The following OSBP2 variants were observed in gnomAD, a reference collection of about 807,000 sequenced individuals.
OSBP2 encodes the protein oxysterol-binding protein 2.
A neutral mutation model predicts 96.0 loss-of-function variants in OSBP2; 66 were observed. That is an observed-to-expected ratio of 0.69 (90% CI 0.56 to 0.84). The LOEUF (loss-of-function observed/expected upper bound fraction) is 0.84. Ranked by LOEUF, OSBP2 falls within the 40% of genes least tolerant of loss-of-function variation. The pLI is 0.00. For synonymous variants in OSBP2, 525 were observed against 520.9 expected (o/e 1.01, Z -0.11); for missense variants, 1,038 against 1,222.7 (o/e 0.85, Z 2.25).
chr22:30,851,413 A>G (rs1260412979), intron 2 of OSBP2, among the ~76,000 whole-genome samples: 3 of 152,192 alleles, frequency 2.0e-5, no homozygotes, highest in Admixed American at 2.0e-4. Flanking sequence ...TATTTCAGAA[A>G]AATGATTGTT....
chr22:30,787,138 C>T (rs1044795463), intron 2 of OSBP2, among the ~76,000 whole-genome samples: 23 of 152,070 alleles, frequency 1.5e-4, no homozygotes, highest in African/African-American at 5.6e-4. Flanking sequence ...CTGTGTTAGT[C>T]CGTTCTCACA....
chr22:30,886,119 G>C (rs547058421), intron 3 of OSBP2, among the ~76,000 whole-genome samples: 1 of 152,368 alleles, frequency 6.6e-6, no homozygotes, highest in African/African-American at 2.4e-5. Context: ...ATAGCTCTTG[G>C]GAGGTCCTGA....
At chr22:30,757,571 C>G (rs1002102981) in intron 2 of OSBP2, among the ~76,000 whole-genome samples, 1 of 152,052 alleles carries the variant, frequency 6.6e-6, no homozygotes, top group African/African-American at 2.4e-5. Context: ...GTGGGTGCCA[C>G]CATACCTGGC....
At chr22:30,894,773 G>A (rs967477420) in intron 12 of OSBP2, among the ~76,000 whole-genome samples, 2 of 152,306 alleles carry the variant, frequency 1.3e-5, no homozygotes, top group East Asian at 3.9e-4. Context: ...CACTTTCCGA[G>A]GAGCTGTCCC....
chr22:30,876,747 A>G lies in OSBP2; in HGVS notation c.1107+6065A>G, dbSNP rs141799332. Among the ~76,000 whole-genome samples, 22 of 152,260 alleles carry G rather than the reference A, an allele frequency of 1.4e-4. No individual in the cohort carries two copies. The East Asian group carries it at 3.1e-3, about 21-fold the overall frequency. On this transcript the variant is annotated intron_variant, in intron 3 of 13. Transcript: ENST00000332585. Reference sequence around the variant, plus strand: ...CCATGCATTGCGTGGCATGCCAGACATTCTGCATGCACCTCCCCTGCCCCT... The same window carrying G: ...CCATGCATTGCGTGGCATGCCAGACGTTCTGCATGCACCTCCCCTGCCCCT...
chr22:30,709,116 AAAAT>A (rs902850383), intron 1 of OSBP2, among the ~76,000 whole-genome samples: 3 of 152,002 alleles, frequency 2.0e-5, no homozygotes, highest in Admixed American at 6.6e-5. Flanking sequence ...TAATAATAAT[AAAAT>A]AAATAAATAA....
At chr22:30,704,529 T>C (rs1436434136) in intron 1 of OSBP2, among the ~76,000 whole-genome samples, 1 of 151,982 alleles carries the variant, frequency 6.6e-6, no homozygotes, top group East Asian at 1.9e-4. Context: ...TTTTTTTTTT[T>C]TTTTTGAGAC....
intron 2 of OSBP2, chr22:30,822,572 C>T: frequency 2.0e-6 from 3 of 1,505,524 alleles, no homozygotes; most frequent in Non-Finnish European, 1.8e-6. Flanking sequence ...TCCGTGCAAG[C>T]CCCCGGGACC....
At chr22:30,739,899 G>A (rs936060737) in intron 1 of OSBP2, among the ~76,000 whole-genome samples, 1 of 152,050 alleles carries the variant, frequency 6.6e-6, no homozygotes, top group Non-Finnish European at 1.5e-5. Flanking sequence ...GAGTGCAGTG[G>A]CGCGATCTTG....
intron 2 of OSBP2, among the ~76,000 whole-genome samples, chr22:30,743,682 TATAAATAA>T (rs1176320460): frequency 6.6e-6 from 1 of 152,124 alleles, no homozygotes; most frequent in Admixed American, 6.6e-5. Flanking sequence ...CTTTTCTAAG[TATAAATAA>T]ATAAATAAAT....
chr22:30,762,797 ATGTTTGCTCCCAGG>A (rs1308108069), intron 2 of OSBP2, among the ~76,000 whole-genome samples: 1 of 152,160 alleles, frequency 6.6e-6, no homozygotes, highest in African/African-American at 2.4e-5. Context: ...CCTGGGCCAG[ATGTTTGCTCCCAGG>A]TGTTTGCTCC....
chr22:30,889,070 G>A lies in OSBP2; in HGVS notation c.1419-107G>A, dbSNP rs1481998882. The A allele has an allele frequency of 5.3e-6, 5 of 939,950 alleles. 1 individual carries two copies. The highest frequency in any genetic ancestry group is 4.8e-5 in the South Asian group (3 of 62,406). The allele number at this position is 939,950 out of a possible 1,614,324, so 58.2% of individuals were successfully genotyped here. On this transcript the variant is annotated intron_variant, in intron 5 of 13. Coordinates refer to ENST00000332585, the MANE Select transcript of OSBP2 (RefSeq NM_030758.4). ...CACACAGAACACACGGCAGTGACCAGGACATTTACTAGCAATGAAAATGAT... is the reference window on the plus strand; with the variant it reads ...CACACAGAACACACGGCAGTGACCAAGACATTTACTAGCAATGAAAATGAT...
In OSBP2 at chr22:30,871,266, G is replaced by T. The variant is rs879852765; in HGVS notation, c.1107+584G>T. Among the ~76,000 whole-genome samples the T allele has an allele frequency of 1.2e-4, 19 of 152,130 alleles. No homozygotes were observed. Among genetic ancestry groups the T allele is most frequent in the Non-Finnish European group, 2.6e-4 (18 of 68,020 alleles). ...AGCAGCCCCGCCACAGGAGTCAGCC[G>T]CTCACCCTGGCTCTGGAAGCCACAC... On this transcript the variant is annotated intron_variant, in intron 3 of 13. Coordinates refer to ENST00000332585, the MANE Select transcript of OSBP2 (RefSeq NM_030758.4). This position sits in a 1 kb window ranked among gnomAD's most constrained non-coding sequence, Gnocchi z 4.7.
chr22:30,845,078 GC>G (rs936684286), intron 2 of OSBP2, among the ~76,000 whole-genome samples: 2 of 152,200 alleles, frequency 1.3e-5, no homozygotes, highest in Non-Finnish European at 2.9e-5. Flanking sequence ...TTGCACTCCA[GC>G]AATTACAGCT....
intron 2 of OSBP2, chr22:30,822,814 T>C: frequency 1.0e-6 from 1 of 979,054 alleles, no homozygotes. Flanking sequence ...GCCTCTGATG[T>C]CACTCCCTCG....
At chr22:30,754,498 G>A (rs1194458866) in intron 2 of OSBP2, among the ~76,000 whole-genome samples, 1 of 152,140 alleles carries the variant, frequency 6.6e-6, no homozygotes, top group Non-Finnish European at 1.5e-5. Flanking sequence ...GACTCATGTG[G>A]GCAGCACAGG....
chr22:30,845,153 G>A (rs1339964085), intron 2 of OSBP2, among the ~76,000 whole-genome samples: 6 of 152,146 alleles, frequency 3.9e-5, no homozygotes, highest in Non-Finnish European at 7.3e-5. Flanking sequence ...AAGTTTAGCC[G>A]GGTGCAGTGA....
upstream of OSBP2, chr22:30,694,284 G>C (rs1210269776): frequency 6.5e-7 from 1 of 1,549,668 alleles, no homozygotes; most frequent in Non-Finnish European, 8.7e-7. Flanking sequence ...GGAGGTGGAG[G>C]CGGTGAGGCG....
intron 2 of OSBP2, among the ~76,000 whole-genome samples, chr22:30,755,587 T>G (rs1602220846): frequency 6.6e-6 from 1 of 152,144 alleles, no homozygotes; most frequent in East Asian, 1.9e-4. Context: ...CCAGCTGCCA[T>G]CTGGTGGCTG....
Sources: allele counts gnomAD v4.1 joint callset (sites outside exome capture counted in the v4.1 genomes callset), GRCh38; gene constraint gnomAD v4.1.1; non-coding constraint Gnocchi (gnomAD v3.1); transcripts MANE v1.5; gene names NCBI Gene and HGNC (gene_info 2026-07-23, HGNC 2026-07-21).